The following IPP variants were observed in gnomAD, a reference collection of about 807,000 sequenced individuals.
IPP encodes the protein intracisternal A particle-promoted polypeptide.
In IPP, 41 loss-of-function variants were observed where a neutral mutation model predicts 64.1. The ratio of observed to expected loss-of-function variants is 0.64; its 90% CI spans 0.50 to 0.83. IPP has a LOEUF of 0.83. Among genes scored for constraint, IPP ranks in the 40% least tolerant of loss-of-function variants. IPP has a pLI of 0.00. For missense variants in IPP, 649 were observed against 703.0 expected (o/e 0.92, Z 0.87); for synonymous variants, 214 against 235.2 (o/e 0.91, Z 0.83).
chr1:45,713,265 A>G (rs74540096), intron 8 of IPP, among the ~76,000 whole-genome samples: 3 of 148,954 alleles, frequency 2.0e-5, no homozygotes, highest in African/African-American at 7.4e-5. Context: ...CTAACCATAG[A>G]AAAAAAAAAA....
intron 5 of IPP, among the ~76,000 whole-genome samples, chr1:45,724,064 C>T (rs1331601867): frequency 6.7e-6 from 1 of 150,322 alleles, no homozygotes; most frequent in Admixed American, 6.7e-5. Context: ...GCCATCTCGG[C>T]TCACTGCAAC....
At chr1:45,748,090 T>C (rs1646165519) in intron 1 of IPP, among the ~76,000 whole-genome samples, 1 of 150,046 alleles carries the variant, frequency 6.7e-6, no homozygotes, top group African/African-American at 2.5e-5. Flanking sequence ...AGAAATTTGA[T>C]TGAGAGATTC....
chr1:45,746,004 A>C (rs570799530), intron 2 of IPP, 116 bp downstream of exon 2: 10 of 862,540 alleles, frequency 1.2e-5, no homozygotes, highest in African/African-American at 1.7e-5. Flanking sequence ...TTTCAGTCAC[A>C]TAATAACATG....
downstream of IPP, chr1:45,694,859 G>T (rs1645373173): frequency 1.1e-5 from 2 of 179,544 alleles, no homozygotes; most frequent in African/African-American, 2.4e-5. Flanking sequence ...GAGCCATCTT[G>T]ATATTCTAAT....
chr1:45,739,518 G>T (rs1253066968), intron 3 of IPP, among the ~76,000 whole-genome samples: 1 of 145,342 alleles, frequency 6.9e-6, no homozygotes, highest in Non-Finnish European at 1.5e-5. Flanking sequence ...GCCTGCTAAA[G>T]TGCCAGAATT....
intron 5 of IPP, among the ~76,000 whole-genome samples, chr1:45,725,130 C>G (rs1570002986): frequency 8.4e-6 from 1 of 119,528 alleles, no homozygotes; most frequent in Non-Finnish European, 1.8e-5. Flanking sequence ...GTCAGCCCCC[C>G]GCCCGGCCAG....
At chr1:45,731,006 A>G (rs79583917) in intron 3 of IPP, among the ~76,000 whole-genome samples, 3,851 of 152,340 alleles carry the variant, frequency 0.025, 165 homozygotes, top group African/African-American at 0.089. Context: ...AGTGGGATAC[A>G]TCTCTGGCTA....
At chr1:45,703,954 T>C (rs1216522969) in intron 8 of IPP, among the ~76,000 whole-genome samples, 2 of 152,198 alleles carry the variant, frequency 1.3e-5, no homozygotes, top group African/African-American at 4.8e-5. Context: ...AAGTCTGTAT[T>C]TGTGAATGAA....
intron 5 of IPP, among the ~76,000 whole-genome samples, chr1:45,719,715 A>G: frequency 6.6e-6 from 1 of 152,192 alleles, no homozygotes; most frequent in Non-Finnish European, 1.5e-5. Flanking sequence ...TTCTAACAAC[A>G]AACAGAAAAT....
chr1:45,712,399 TA>T (rs979053934), intron 8 of IPP, among the ~76,000 whole-genome samples: 3 of 151,822 alleles, frequency 2.0e-5, no homozygotes, highest in Admixed American at 6.6e-5. Flanking sequence ...CATGACGTAT[TA>T]ATAAGACAGA....
At chr1:45,714,108 T>A in intron 8 of IPP, 138 bp downstream of exon 8, 5 of 568,446 alleles carry the variant, frequency 8.8e-6, no homozygotes, top group South Asian at 2.7e-5. Flanking sequence ...ACACCAAAAG[T>A]TTCTTCTTTG....
rs1553194425 is a variant in IPP, at chr1:45,747,097, T to TGCGCGCATGCGCGCGCACACGAGCGC, written c.-50-662_-50-637dup. On this transcript the variant is annotated intron_variant, in intron 1 of 8. Coordinates refer to ENST00000396478, the MANE Select transcript of IPP (RefSeq NM_005897.3). ...AAATACCCTACCACCCTACTCTTAGTGCGCGCATGCGCGCGCACACGAGCG... is the reference window on the plus strand; with the variant it reads ...AAATACCCTACCACCCTACTCTTAGTGCGCGCATGCGCGCGCACACGAGCGCGCGCGCATGCGCGCGCACACGAGCG... 2.6e-4 allele frequency among the ~76,000 whole-genome samples: 40 copies of TGCGCGCATGCGCGCGCACACGAGCGC among 151,958 alleles called. No individual in the cohort carries two copies. The East Asian group carries it at 6.5e-3, about 25-fold the overall frequency.
chr1:45,727,767 C>T lies in IPP; in HGVS notation c.912G>A (p.Trp304Ter). Residue 304 changes from tryptophan (W) to a stop codon, truncating the protein, a stop_gained, in exon 5 of 9, where the codon TGG (tryptophan) becomes TGA (stop). Coordinates refer to ENST00000396478, the MANE Select transcript of IPP (RefSeq NM_005897.3). LOFTEE classifies it high-confidence loss of function. ...GGYTRLQGGR[W>*]SDSRALSCVE... The stretch of plus-strand genomic sequence containing the variant: ...CACAGCTGAGGGCTCTGCTATCACT[C>T]CAGCGACCCCCCTGCAACCGAGTAT... The T allele has an allele frequency of 6.4e-7, 1 of 1,569,844 alleles. No individual in the cohort carries two copies. Among genetic ancestry groups the T allele is most frequent in the South Asian group, 1.2e-5 (1 of 85,422 alleles).
At chr1:45,711,608 G>C (rs1645591568) in intron 8 of IPP, among the ~76,000 whole-genome samples, 1 of 152,068 alleles carries the variant, frequency 6.6e-6, no homozygotes, top group African/African-American at 2.4e-5. Flanking sequence ...ACAAAAAGTA[G>C]CTGGGTGTGG....
chr1:45,726,447 C>T (rs1211380988), intron 5 of IPP, among the ~76,000 whole-genome samples: 1 of 152,034 alleles, frequency 6.6e-6, no homozygotes, highest in East Asian at 1.9e-4. Flanking sequence ...GCCTGGACAA[C>T]AAGAGCAAAA....
intron 8 of IPP, among the ~76,000 whole-genome samples, chr1:45,712,181 G>T (rs1271731904): frequency 6.6e-6 from 1 of 151,974 alleles, no homozygotes; most frequent in Non-Finnish European, 1.5e-5. Context: ...AACCAGGCAT[G>T]GTGGCGCGTG....
intron 5 of IPP, 144 bp from the exon 6 acceptor site, chr1:45,719,484 C>T: frequency 1.8e-6 from 1 of 551,200 alleles, no homozygotes; most frequent in African/African-American, 1.9e-5. Context: ...CTTTCATTTG[C>T]CTGTCAAGCA....
chr1:45,713,810 T>G (rs1459595325), intron 8 of IPP, among the ~76,000 whole-genome samples: 1 of 152,164 alleles, frequency 6.6e-6, no homozygotes, highest in Non-Finnish European at 1.5e-5. Flanking sequence ...CCTCTCATCT[T>G]GGCTTCCCAA....
rs529045751 is a variant in IPP, at chr1:45,724,913, C to T, written c.1048+2718G>A. Among the ~76,000 whole-genome samples, 422 of 148,364 alleles carry T rather than the reference C, an allele frequency of 2.8e-3. 1 individual carries two copies. Among genetic ancestry groups the T allele is most frequent in the African/African-American group, 9.8e-3 (395 of 40,482 alleles). On this transcript the variant is annotated intron_variant, in intron 5 of 8. Coordinates refer to ENST00000396478, the MANE Select transcript of IPP (RefSeq NM_005897.3). ...GGGGGGGGTCAGCCCCCCGCCCGGC[C>T]AGCCGCCCCGTCCGGGAGGTGAGGG...
Sources: allele counts gnomAD v4.1 joint callset (sites outside exome capture counted in the v4.1 genomes callset), GRCh38; gene constraint gnomAD v4.1.1; transcripts MANE v1.5; gene names NCBI Gene and HGNC (gene_info 2026-07-23, HGNC 2026-07-21).